Variants in CLCN1 observed in about 807,000 individuals in gnomAD.
CLCN1 encodes chloride channel protein 1.
Under a neutral mutation model 114.5 loss-of-function variants are expected in CLCN1, and 100 were observed. The observed-to-expected ratio is 0.87, with a 90% CI of 0.74 to 1.03. CLCN1 has a LOEUF of 1.03. Ranked by LOEUF, CLCN1 falls within the 50% of genes least tolerant of loss-of-function variation. CLCN1 has a pLI of 0.00. For synonymous variants in CLCN1, 485 were observed against 487.1 expected (o/e 1.00, Z 0.06); for missense variants, 1,188 against 1,250.0 (o/e 0.95, Z 0.75).
chr7:143,320,185 G>A (rs759282068), intron 2 of CLCN1, among the ~76,000 whole-genome samples: 2 of 152,100 alleles, frequency 1.3e-5, no homozygotes, highest in Non-Finnish European at 2.9e-5. Context: ...AGGATGCTGA[G>A]GCTGGTCTTG....
intron 17 of CLCN1, 107 bp from the exon 18 acceptor site, chr7:143,346,033 G>T (rs1295927453): frequency 3.5e-6 from 3 of 869,500 alleles, no homozygotes; most frequent in East Asian, 2.5e-5. Flanking sequence ...TCTGAACTGG[G>T]GGGAAGAATA....
chr7:143,345,416 C>T, intron 16 of CLCN1, 105 bp from the exon 17 acceptor site: 1 of 1,365,338 alleles, frequency 7.3e-7, no homozygotes, highest in East Asian at 2.6e-5. Context: ...GATGTGGGGA[C>T]GCCGGGCAGG....
At chr7:143,338,516 C>T (rs545928943) in intron 12 of CLCN1, among the ~76,000 whole-genome samples, 45 of 152,104 alleles carry the variant, frequency 3.0e-4, no homozygotes, top group East Asian at 1.9e-3. Flanking sequence ...CCGGGCGCAT[C>T]GGCTCACACC....
At position 143,350,436 on chromosome 7, in the gene CLCN1, A is replaced by C. The variant is rs1337103899; in HGVS notation, c.2468A>C (p.Gln823Pro). ...PVCFDSCCIDQSPFQLVEQTT... is the reference protein window; with the variant it reads ...PVCFDSCCIDPSPFQLVEQTT... Reference sequence around the variant, plus strand: ...TGTTTTGATTCCTGCTGTATTGACCAGTCTCCCTTCCAGCTGGTGGAGCAG... The same window carrying C: ...TGTTTTGATTCCTGCTGTATTGACCCGTCTCCCTTCCAGCTGGTGGAGCAG... The change falls in exon 21 of 23, where the codon CAG (glutamine) becomes CCG (proline). Residue 823 changes from glutamine (Q) to proline (P), a missense_variant. Gln to Pro is a moderately conservative substitution (Grantham distance 76). Transcript: ENST00000343257. The surrounding 1 kb of genome is among the most constrained non-coding windows in gnomAD (Gnocchi z 5.1). The C allele has an allele frequency of 6.2e-7, 1 of 1,614,078 alleles. No homozygotes were observed. Among genetic ancestry groups the C allele is most frequent in the Non-Finnish European group, 8.5e-7 (1 of 1,180,034 alleles).
chr7:143,329,187 C>T lies in CLCN1; in HGVS notation c.854-1585C>T, dbSNP rs561428338. 1.8e-4 allele frequency among the ~76,000 whole-genome samples: 28 copies of T among 152,132 alleles called. No homozygotes were observed. The East Asian group carries it at 2.5e-3, about 14-fold the overall frequency. On this transcript the variant is annotated intron_variant, in intron 7 of 22. Transcript: ENST00000343257. ...TTCACCATGTTGGCCAGGCTGGCCT[C>T]GAACTCCTGACTTCATGATCCCCCT... is the stretch of plus-strand genomic sequence containing the variant.
At position 143,351,576 on chromosome 7, in the gene CLCN1, T is replaced by G; in HGVS notation, c.2596-18T>G. Reference sequence around the variant, plus strand: ...TTTCCAACTTTTTACCCTCTTTTCCTTTCCCACTGCTCTTCAGCTACAGAA... The same window carrying G: ...TTTCCAACTTTTTACCCTCTTTTCCGTTCCCACTGCTCTTCAGCTACAGAA... On this transcript the variant is annotated intron_variant, in intron 22 of 22. Coordinates refer to ENST00000343257, the MANE Select transcript of CLCN1 (RefSeq NM_000083.3). The G allele has an allele frequency of 6.2e-7, 1 of 1,613,862 alleles. No homozygotes were observed. Among genetic ancestry groups the G allele is most frequent in the Non-Finnish European group, 8.5e-7 (1 of 1,179,970 alleles).
At chr7:143,345,920 C>A (rs574002005) in intron 17 of CLCN1, among the ~76,000 whole-genome samples, 158 bp downstream of exon 17, 5 of 152,196 alleles carry the variant, frequency 3.3e-5, no homozygotes, top group African/African-American at 1.2e-4. Context: ...GCCAGAAATT[C>A]TGGATCAGGT....
At chr7:143,326,651 G>C (rs561572365) in intron 7 of CLCN1, among the ~76,000 whole-genome samples, 1 of 152,200 alleles carries the variant, frequency 6.6e-6, no homozygotes, top group South Asian at 2.1e-4. Context: ...AAGTAGGACT[G>C]GCAAGGAGGA....
intron 7 of CLCN1, among the ~76,000 whole-genome samples, chr7:143,329,955 AC>A (rs1344518450): frequency 6.6e-6 from 1 of 151,676 alleles, no homozygotes; most frequent in African/African-American, 2.4e-5. Context: ...GTCCCTACCA[AC>A]CCTTGCTCTT....
intron 14 of CLCN1, among the ~76,000 whole-genome samples, chr7:143,340,195 C>T (rs566230055): frequency 6.6e-6 from 1 of 152,110 alleles, no homozygotes; most frequent in African/African-American, 2.4e-5. Context: ...AGCAAAATCC[C>T]ATAGCATCTA....
At position 143,332,404 on chromosome 7, in the gene CLCN1, C is replaced by CT. The variant is rs1563079706; in HGVS notation, c.1167-14dup. 7 of 1,607,636 alleles carry CT rather than the reference C, an allele frequency of 4.4e-6. No individual in the cohort carries two copies. Among genetic ancestry groups the CT allele is most frequent in the Non-Finnish European group, 6.0e-6 (7 of 1,174,168 alleles). Reference sequence around the variant, plus strand: ...GTTGGCTGAATTGTGGCGGTTAACTCTGTTTCTTTTTCAGCCGCCTGCTGT... The same window carrying CT: ...GTTGGCTGAATTGTGGCGGTTAACTCTTGTTTCTTTTTCAGCCGCCTGCTGT... On this transcript the variant is annotated splice_polypyrimidine_tract_variant and intron_variant, in intron 10 of 22. Coordinates refer to ENST00000343257, the MANE Select transcript of CLCN1 (RefSeq NM_000083.3).
chr7:143,330,812 T>C lies in CLCN1; in HGVS notation c.894T>C (p.Ala298=). ...FSIEVTSTYF[A]VRNYWRGFFA... ...TCGAGGTCACCTCCACCTACTTTGC[T>C]GTTCGGAACTACTGGAGAGGATTCT... The change falls in exon 8 of 23, where the codon GCT becomes GCC. Residue 298 remains alanine, a synonymous_variant. Coordinates refer to ENST00000343257, the MANE Select transcript of CLCN1 (RefSeq NM_000083.3). 1 of 1,614,234 alleles carries C rather than the reference T, an allele frequency of 6.2e-7. No individual in the cohort carries two copies. Among genetic ancestry groups the C allele is most frequent in the Non-Finnish European group, 8.5e-7 (1 of 1,180,050 alleles).
rs1474520642 is a variant in CLCN1 at position 143,346,954 on chromosome 7, G to A, written c.2403+5G>A. ...GATAACATGTCACCTGAAGAGGTGA[G>A]TAAGGGAAATGGAAACCTGGGGTGG... On this transcript the variant is annotated splice_donor_5th_base_variant and intron_variant, in intron 20 of 22. Transcript: ENST00000343257. 2 of 1,610,732 alleles carry A rather than the reference G, an allele frequency of 1.2e-6. No homozygotes were observed. Among genetic ancestry groups the A allele is most frequent in the Admixed American group, 3.3e-5 (2 of 60,018 alleles).
At chr7:143,323,010 C>T (rs191589902) in intron 5 of CLCN1, among the ~76,000 whole-genome samples, 1 of 152,290 alleles carries the variant, frequency 6.6e-6, no homozygotes, top group East Asian at 1.9e-4. Context: ...CTGACATCTG[C>T]GCGGCTCCCT....
intron 10 of CLCN1, 95 bp from the exon 11 acceptor site, chr7:143,332,324 C>T (rs748936812): frequency 3.0e-5 from 28 of 925,648 alleles, no homozygotes; most frequent in South Asian, 1.0e-4. Context: ...AATGAGACTA[C>T]GGTGGACTAA....
chr7:143,321,382 G>A lies in CLCN1; in HGVS notation c.451G>A (p.Ala151Thr), dbSNP rs140726900. Residue 151 changes from alanine to threonine, a missense_variant, in exon 4 of 23, where the codon GCG becomes ACG. By Grantham distance (58) the Ala-to-Thr change is moderately conservative. Transcript: ENST00000343257. This position sits in a 1 kb window ranked among gnomAD's most constrained non-coding sequence, Gnocchi z 4.2. ...KSLQAYKWSY[A>T]QMQPSLPLQF... ...CTCCGCAGCCTACAAGTGGTCCTAC[G>A]CGCAGATGCAGCCCAGCCTTCCTCT... The A allele has an allele frequency of 1.7e-5, 28 of 1,614,058 alleles. No homozygotes were observed. The highest frequency in any genetic ancestry group is 2.2e-5 in the Non-Finnish European group (26 of 1,180,040).
intron 1 of CLCN1, 73 bp downstream of exon 1, chr7:143,316,465 G>C: frequency 7.2e-7 from 1 of 1,382,718 alleles, no homozygotes; most frequent in Non-Finnish European, 1.0e-6. Flanking sequence ...GTGAAAATGA[G>C]GAATTGGGTG....
At chr7:143,327,410 TGAA>T (rs1802605380) in intron 7 of CLCN1, among the ~76,000 whole-genome samples, 1 of 151,864 alleles carries the variant, frequency 6.6e-6, no homozygotes, top group South Asian at 2.1e-4. Flanking sequence ...ACTGTCGGGG[TGAA>T]TTAAAGTCAT....
rs1330427975 is a variant in CLCN1, at chr7:143,323,562, CCT to C, written c.774+179_774+180del. On this transcript the variant is annotated intron_variant, in intron 6 of 22. Coordinates refer to ENST00000343257, the MANE Select transcript of CLCN1 (RefSeq NM_000083.3). Reference sequence around the variant, plus strand: ...GTCTGCCTACCCTGGCCACGTGATGCCTCTGTTTAGCCTGTGCCTGTCCTCCA... The same window carrying C: ...GTCTGCCTACCCTGGCCACGTGATGCCTGTTTAGCCTGTGCCTGTCCTCCA... The C allele has an allele frequency of 1.3e-5, 9 of 706,418 alleles. No individual in the cohort carries two copies. In the Admixed American group the frequency reaches 1.6e-4, roughly 13 times the overall value. The allele number at this position is 706,418 out of a possible 1,614,324, so 43.8% of individuals were successfully genotyped here.
Sources: gnomAD v4.1 joint callset for allele counts (sites outside exome capture counted in the v4.1 genomes callset) on GRCh38, gnomAD v4.1.1 for gene constraint, Gnocchi (gnomAD v3.1) non-coding constraint, MANE v1.5 for transcripts, NCBI Gene and HGNC (gene_info 2026-07-23, HGNC 2026-07-21) for gene names.